The following PSD3 variants were observed in gnomAD, a reference collection of about 807,000 sequenced individuals.
PSD3 encodes the protein pleckstrin and Sec7 domain containing 3, also known as PH and SEC7 domain-containing protein 3.
A neutral mutation model predicts 105.5 loss-of-function variants in PSD3; 49 were observed. The ratio of observed to expected loss-of-function variants is 0.46; its 90% CI spans 0.37 to 0.59. The LOEUF (loss-of-function observed/expected upper bound fraction) is 0.59, where lower values mean the gene tolerates loss of function less well. Ranked by LOEUF, PSD3 falls within the 20% of genes least tolerant of loss-of-function variation. PSD3 has a pLI of 0.00. For missense variants in PSD3, 1,561 were observed against 1,263.8 expected (o/e 1.24, Z -3.57); for synonymous variants, 557 against 457.8 (o/e 1.22, Z -2.77).
chr8:18,769,849 T>C (rs886873797), intron 8 of PSD3, among the ~76,000 whole-genome samples: 2 of 152,248 alleles, frequency 1.3e-5, no homozygotes, highest in South Asian at 2.1e-4. Context: ...TTCCATTGTA[T>C]GGATATACCA....
chr8:18,602,556 G>C (rs6983527), intron 11 of PSD3, among the ~76,000 whole-genome samples: 2 of 151,950 alleles, frequency 1.3e-5, no homozygotes, highest in Non-Finnish European at 2.9e-5. Context: ...ATTATTCAAC[G>C]GTATTTAGTT....
At chr8:18,621,232 A>G (rs1806088269) in intron 11 of PSD3, among the ~76,000 whole-genome samples, 1 of 152,178 alleles carries the variant, frequency 6.6e-6, no homozygotes, top group Non-Finnish European at 1.5e-5. Context: ...ACACAGCAAA[A>G]CCGCTTCTCT....
intron 4 of PSD3, among the ~76,000 whole-genome samples, chr8:18,864,023 C>T (rs1390181670): frequency 6.6e-6 from 1 of 152,054 alleles, no homozygotes; most frequent in Non-Finnish European, 1.5e-5. Context: ...AAAAAAAAAT[C>T]ACTGTCCAAT....
At position 19,048,789 on chromosome 8, in the gene PSD3, T is replaced by C. The variant is rs144799038; in HGVS notation, c.324+35417A>G. Reference sequence around the variant, plus strand: ...TTTTACATGGATTTGGTAGAGCTCCTTAGGTTCTGTATTTGTTTGCTAGGG... The same window carrying C: ...TTTTACATGGATTTGGTAGAGCTCCCTAGGTTCTGTATTTGTTTGCTAGGG... On this transcript the variant is annotated intron_variant, in intron 1 of 1. Transcript: ENST00000521475. 9.4e-3 allele frequency among the ~76,000 whole-genome samples: 1,430 copies of C among 152,328 alleles called. 6 individuals carry two copies. The highest frequency in any genetic ancestry group is 0.013 in the Non-Finnish European group (886 of 68,028).
chr8:18,945,971 T>C (rs1822831621), intron 1 of PSD3, among the ~76,000 whole-genome samples: 1 of 151,998 alleles, frequency 6.6e-6, no homozygotes. Context: ...AGACTCCATC[T>C]CCAAAAAAAA....
At chr8:18,949,277 A>ATT (rs1491352234) in intron 1 of PSD3, among the ~76,000 whole-genome samples, 2 of 115,176 alleles carry the variant, frequency 1.7e-5, no homozygotes, top group African/African-American at 3.0e-5. Context: ...ATATATATAT[A>ATT]TTTATAGTTT....
At position 19,065,368 on chromosome 8, in the gene PSD3, A is replaced by T. The variant is rs149030347; in HGVS notation, c.324+18838T>A. On this transcript the variant is annotated intron_variant, in intron 1 of 1. Coordinates refer to the PSD3 transcript ENST00000521475. ...GTGGACATCAGCTGGGTGTCCTCCA[A>T]TTAAATTCTGATACTATCTACCTGG... Among the ~76,000 whole-genome samples the T allele has an allele frequency of 4.6e-5, 7 of 152,300 alleles. No homozygotes were observed. The East Asian group carries it at 1.4e-3, about 29-fold the overall frequency.
At chr8:18,638,030 C>T (rs968727616) in intron 10 of PSD3, among the ~76,000 whole-genome samples, 3 of 151,952 alleles carry the variant, frequency 2.0e-5, no homozygotes, top group Non-Finnish European at 4.4e-5. Flanking sequence ...GTGGCAGGTG[C>T]CTGTAATCCC....
intron 14 of PSD3, among the ~76,000 whole-genome samples, chr8:18,557,299 T>C (rs897373297): frequency 6.6e-6 from 1 of 152,208 alleles, no homozygotes; most frequent in South Asian, 2.1e-4. Context: ...GTATTTTATA[T>C]AACACCAACA....
chr8:19,008,128 G>A (rs143024689), intron 1 of PSD3, among the ~76,000 whole-genome samples: 1 of 152,230 alleles, frequency 6.6e-6, no homozygotes, highest in Non-Finnish European at 1.5e-5. Flanking sequence ...ACAGGCGTGA[G>A]CCATGGCGCC....
chr8:18,766,690 G>A (rs1336548444), intron 8 of PSD3, among the ~76,000 whole-genome samples: 2 of 152,164 alleles, frequency 1.3e-5, no homozygotes, highest in Admixed American at 1.3e-4. Context: ...TGCTGGCAGA[G>A]GAAAGAAGTC....
intron 9 of PSD3, among the ~76,000 whole-genome samples, chr8:18,668,206 G>C (rs570020321): frequency 6.6e-6 from 1 of 152,348 alleles, no homozygotes; most frequent in African/African-American, 2.4e-5. Context: ...TGCGGAGAGT[G>C]AGCAAGGGCT....
Position 18,936,295 on chromosome 8 carries a change from C to G in PSD3, c.22-153G>C, listed in dbSNP as rs562614450. ...TCAAAATGAAACATGAAAAGTGTAA[C>G]ATGAAAAGAATCAGAATACAAACTA... On this transcript the variant is annotated intron_variant, in intron 1 of 15. Coordinates refer to ENST00000327040, the MANE Select transcript of PSD3 (RefSeq NM_015310.4). 2.0e-5 allele frequency among the ~76,000 whole-genome samples: 3 copies of G among 152,080 alleles called. No individual in the cohort carries two copies. The South Asian group carries it at 6.2e-4, about 32-fold the overall frequency.
At chr8:18,688,733 G>T (rs900522027) in intron 9 of PSD3, among the ~76,000 whole-genome samples, 1 of 152,128 alleles carries the variant, frequency 6.6e-6, no homozygotes, top group Non-Finnish European at 1.5e-5. Context: ...GATTCAATAT[G>T]AAATAATCAC....
chr8:18,600,104 T>G (rs1168356335), intron 12 of PSD3, among the ~76,000 whole-genome samples: 1 of 152,188 alleles, frequency 6.6e-6, no homozygotes, highest in South Asian at 2.1e-4. Flanking sequence ...AGGATGGCTA[T>G]GCTGGACAAA....
chr8:18,589,115 A>C (rs1436739199), intron 12 of PSD3, among the ~76,000 whole-genome samples: 1 of 152,188 alleles, frequency 6.6e-6, no homozygotes, highest in Non-Finnish European at 1.5e-5. Context: ...AGGTAGCTAA[A>C]AGGACCAGTG....
chr8:18,872,177 A>T lies in PSD3; in HGVS notation c.687T>A (p.Ile229=). The T allele has an allele frequency of 6.2e-7, 1 of 1,614,192 alleles. No individual in the cohort carries two copies. ...ALLTGDTQAE[I]SQIMNNGRKG... ...TCCTCCCATTATTCATTATCTGGGAAATCTCTGCCTGAGTGTCTCCAGTTA... is the reference window on the plus strand; with the variant it reads ...TCCTCCCATTATTCATTATCTGGGATATCTCTGCCTGAGTGTCTCCAGTTA... Residue 229 remains isoleucine, a synonymous_variant, in exon 3 of 16, where the codon ATT becomes ATA. Transcript: ENST00000327040.
intron 8 of PSD3, among the ~76,000 whole-genome samples, chr8:18,791,987 A>G (rs1207253714): frequency 6.6e-6 from 1 of 152,080 alleles, no homozygotes; most frequent in Non-Finnish European, 1.5e-5. Context: ...TCACTGATCA[A>G]TATCGCAAAT....
intron 12 of PSD3, among the ~76,000 whole-genome samples, chr8:18,586,882 G>C (rs1173680546): frequency 6.6e-6 from 1 of 152,174 alleles, no homozygotes; most frequent in Non-Finnish European, 1.5e-5. Context: ...AAGGTGTGGA[G>C]AAAGAGAGAA....
Sources: allele counts gnomAD v4.1 joint callset (sites outside exome capture counted in the v4.1 genomes callset), GRCh38; gene constraint gnomAD v4.1.1; transcripts MANE v1.5; gene names NCBI Gene and HGNC (gene_info 2026-07-23, HGNC 2026-07-21).